The following ZMYND11 variants were observed in gnomAD, a reference collection of about 807,000 sequenced individuals.
ZMYND11 encodes zinc finger MYND domain-containing protein 11.
ZMYND11 carries 9 observed loss-of-function variants against 84.9 expected under a neutral mutation model. The observed-to-expected ratio is 0.11, with a 90% CI of 0.06 to 0.18. The LOEUF (loss-of-function observed/expected upper bound fraction) is 0.18, where lower values mean the gene tolerates loss of function less well. Among genes scored for constraint, ZMYND11 ranks in the 10% least tolerant of loss-of-function variants. The pLI, the probability that ZMYND11 is intolerant of heterozygous loss-of-function variation, is 1.00. For synonymous variants in ZMYND11, 250 were observed against 244.1 expected (o/e 1.02, Z -0.23); for missense variants, 409 against 761.0 (o/e 0.54, Z 5.44).
intron 10 of ZMYND11, 103 bp downstream of exon 10, chr10:242,242 T>TG: frequency 7.1e-6 from 10 of 1,409,730 alleles, no homozygotes; most frequent in East Asian, 2.5e-5. Context: ...TATTTTAAAT[T>TG]GGAAAAAAAA....
rs558144744 is a variant in ZMYND11, at chr10:254,221, T to C, written c.*1751T>C. ...GAGCAAGTAATTGTGGAAATATTTT[T>C]GGTGTAAAATCATTCCAGAGTATGT... is the stretch of plus-strand genomic sequence containing the variant. On this transcript the variant is annotated 3_prime_UTR_variant, in exon 15 of 15. Transcript: ENST00000381604. The C allele has an allele frequency of 3.1e-4, 48 of 152,762 alleles. No homozygotes were observed. The highest frequency in any genetic ancestry group is 9.9e-4 in the African/African-American group (41 of 41,572). 9.5% of individuals were successfully genotyped at this position (152,762 alleles called of 1,614,324 possible).
intron 14 of ZMYND11, among the ~76,000 whole-genome samples, chr10:251,790 C>G (rs926156055): frequency 6.6e-6 from 1 of 152,174 alleles, no homozygotes; most frequent in African/African-American, 2.4e-5. Context: ...TCCCAGGCCT[C>G]TGTCTGCCAG....
At chr10:150,916 T>G (rs1840174995) in intron 1 of ZMYND11, among the ~76,000 whole-genome samples, 1 of 152,150 alleles carries the variant, frequency 6.6e-6, no homozygotes, top group Admixed American at 6.5e-5. Context: ...CAGCAACATT[T>G]GCTGTTCTGC....
intron 3 of ZMYND11, among the ~76,000 whole-genome samples, chr10:220,943 C>G (rs922000344): frequency 1.3e-5 from 2 of 152,174 alleles, no homozygotes; most frequent in Non-Finnish European, 2.9e-5. Flanking sequence ...TGGCTTTGGA[C>G]ATACTTCATT....
intron 1 of ZMYND11, among the ~76,000 whole-genome samples, chr10:140,289 A>C (rs1554753665): frequency 6.6e-6 from 1 of 152,250 alleles, no homozygotes; most frequent in Admixed American, 6.5e-5. Context: ...AGTCCTTTTG[A>C]ATAATCATGG....
At position 220,451 on chromosome 10, in the gene ZMYND11, G is replaced by T. The variant is rs1054704074; in HGVS notation, c.277-744G>T. Among the ~76,000 whole-genome samples the T allele has an allele frequency of 5.9e-5, 9 of 151,832 alleles. 1 individual carries two copies. The highest frequency in any genetic ancestry group is 4.6e-4 in the Admixed American group (7 of 15,214). ...AAGGGTATTAGCTGTATAAAAAAAA[G>T]GTGTCAAAAATAAGAACATGTTGAA... is the stretch of plus-strand genomic sequence containing the variant. On this transcript the variant is annotated intron_variant, in intron 3 of 14. Coordinates refer to ENST00000381604, the MANE Select transcript of ZMYND11 (RefSeq NM_001370100.5).
chr10:236,002 C>T (rs891348163), intron 4 of ZMYND11, among the ~76,000 whole-genome samples: 12 of 152,174 alleles, frequency 7.9e-5, no homozygotes, highest in African/African-American at 2.7e-4. Context: ...ACAGTTCTTT[C>T]AGGAAGAATT....
chr10:241,105 A>C, intron 9 of ZMYND11, 135 bp downstream of exon 9: 1 of 588,124 alleles, frequency 1.7e-6, no homozygotes, highest in Non-Finnish European at 2.9e-6. Context: ...AGTATAAACA[A>C]CTGAAAAAAA....
In ZMYND11 at chr10:237,695, T is replaced by A; in HGVS notation, c.609+18T>A. On this transcript the variant is annotated intron_variant, in intron 6 of 14. Coordinates refer to ENST00000381604, the MANE Select transcript of ZMYND11 (RefSeq NM_001370100.5). ...TTCAAGAGGTAAAGTCGGTTTCTTT[T>A]ATTTCCACTTCAAGTACATTTTCTT... The A allele has an allele frequency of 6.3e-7, 1 of 1,575,150 alleles. No individual in the cohort carries two copies. Among genetic ancestry groups the A allele is most frequent in the African/African-American group, 1.4e-5 (1 of 73,532 alleles).
At chr10:208,153 G>T (rs974431344) in intron 2 of ZMYND11, among the ~76,000 whole-genome samples, 5 of 152,090 alleles carry the variant, frequency 3.3e-5, no homozygotes, top group African/African-American at 1.2e-4. Context: ...AATTCAAGAT[G>T]GATTAAAGAC....
intron 3 of ZMYND11, among the ~76,000 whole-genome samples, chr10:220,462 TAAG>T (rs777228933): frequency 2.4e-4 from 36 of 152,190 alleles, no homozygotes; most frequent in Non-Finnish European, 4.6e-4. Context: ...GTGTCAAAAA[TAAG>T]AACATGTTGA....
chr10:169,783 A>G (rs1554765129), intron 1 of ZMYND11, among the ~76,000 whole-genome samples: 1 of 152,148 alleles, frequency 6.6e-6, no homozygotes, highest in East Asian at 1.9e-4. Context: ...AATCGACAAC[A>G]GAATATTCAA....
chr10:245,543 T>TA (rs1425603974), intron 10 of ZMYND11, among the ~76,000 whole-genome samples: 2 of 152,214 alleles, frequency 1.3e-5, no homozygotes, highest in African/African-American at 4.8e-5. Flanking sequence ...GTGTTTATAG[T>TA]ACCATATCGC....
chr10:137,578 G>C (rs1349635600), intron 1 of ZMYND11, among the ~76,000 whole-genome samples: 1 of 152,168 alleles, frequency 6.6e-6, no homozygotes, highest in Non-Finnish European at 1.5e-5. Flanking sequence ...ATTAATGGTT[G>C]GATGTTATCA....
chr10:243,087 G>A (rs1951372871), intron 10 of ZMYND11, among the ~76,000 whole-genome samples: 1 of 152,124 alleles, frequency 6.6e-6, no homozygotes, highest in South Asian at 2.1e-4. Context: ...TGTATTTTTG[G>A]TAGGTTAGGG....
intron 2 of ZMYND11, among the ~76,000 whole-genome samples, chr10:188,926 T>C (rs1176128296): frequency 6.6e-6 from 1 of 152,214 alleles, no homozygotes; most frequent in Non-Finnish European, 1.5e-5. Context: ...GAAAAAGCAA[T>C]TGAAGTATTG....
chr10:158,994 T>TTTG (rs1554760521), intron 1 of ZMYND11, among the ~76,000 whole-genome samples: 7 of 145,766 alleles, frequency 4.8e-5, no homozygotes, highest in African/African-American at 1.8e-4. Flanking sequence ...GTTTTTTGTT[T>TTTG]TTTTTTTTTT....
At chr10:184,102 T>A (rs192039504) in intron 2 of ZMYND11, among the ~76,000 whole-genome samples, 9 of 152,332 alleles carry the variant, frequency 5.9e-5, no homozygotes, top group African/African-American at 2.2e-4. Flanking sequence ...GGGTTTTATT[T>A]ACTTAACTCT....
At chr10:248,707 A>C (rs1443061668) in intron 13 of ZMYND11, 99 bp downstream of exon 13, 11 of 1,440,288 alleles carry the variant, frequency 7.6e-6, no homozygotes, top group Non-Finnish European at 9.2e-6. Flanking sequence ...CAGCTTTTAC[A>C]TGTAGCCATA....
Sources: allele counts gnomAD v4.1 joint callset (sites outside exome capture counted in the v4.1 genomes callset), GRCh38; gene constraint gnomAD v4.1.1; transcripts MANE v1.5; gene names NCBI Gene and HGNC (gene_info 2026-07-23, HGNC 2026-07-21).